PCDHA12: variants seen among roughly 807,000 people sequenced by gnomAD.
The protein encoded by PCDHA12 is protocadherin alpha-12.
A neutral mutation model predicts 60.0 loss-of-function variants in PCDHA12; 44 were observed. That is an observed-to-expected ratio of 0.73 (90% CI 0.58 to 0.94). PCDHA12 has a LOEUF of 0.94. Ranked by LOEUF, PCDHA12 falls within the 40% of genes least tolerant of loss-of-function variation. The probability of loss-of-function intolerance (pLI) is 0.00; values close to 1 mark genes in which losing one functional copy is unlikely to be tolerated. For synonymous variants in PCDHA12, 569 were observed against 553.0 expected, an observed-to-expected ratio of 1.03 and a Z score of -0.40; for missense variants, 1,276 against 1,239.7, an observed-to-expected ratio of 1.03 and a Z score of -0.44.
intron 1 of PCDHA12, among the ~76,000 whole-genome samples, chr5:140,912,893 T>C (rs1346036777): frequency 6.6e-6 from 1 of 152,262 alleles, no homozygotes; most frequent in East Asian, 1.9e-4. Context: ...TCTGTTGATA[T>C]GATGTATCAT....
intron 1 of PCDHA12, among the ~76,000 whole-genome samples, chr5:140,957,899 A>G (rs551066654): frequency 3.0e-4 from 46 of 152,226 alleles, no homozygotes; most frequent in African/African-American, 1.1e-3. Flanking sequence ...GCATCAACCA[A>G]GGCATATTGT....
chr5:140,970,933 G>T (rs782607345), intron 1 of PCDHA12, among the ~76,000 whole-genome samples: 6 of 152,176 alleles, frequency 3.9e-5, no homozygotes, highest in African/African-American at 9.7e-5. Context: ...CCTGGTGTTA[G>T]TCAATGCTGA....
intron 1 of PCDHA12, chr5:140,928,982 G>T: frequency 6.2e-7 from 1 of 1,613,824 alleles, no homozygotes; most frequent in Non-Finnish European, 8.5e-7. Flanking sequence ...TTATTTCTGG[G>T]GTGCTTACTT....
At chr5:140,879,099 A>G (rs1255546668) in intron 1 of PCDHA12, among the ~76,000 whole-genome samples, 1 of 152,242 alleles carries the variant, frequency 6.6e-6, no homozygotes, top group Non-Finnish European at 1.5e-5. Flanking sequence ...ACTGCACAGT[A>G]TATGGTGTAA....
intron 1 of PCDHA12, among the ~76,000 whole-genome samples, chr5:140,900,300 A>G (rs1554189024): frequency 6.6e-6 from 1 of 151,644 alleles, no homozygotes; most frequent in Non-Finnish European, 1.5e-5. Flanking sequence ...GTTTTTTTAG[A>G]CAGTCTCACT....
chr5:140,950,515 C>T lies in PCDHA12; in HGVS notation c.2368-28434C>T, dbSNP rs144121614. 1.4e-3 allele frequency among the ~76,000 whole-genome samples: 220 copies of T among 151,996 alleles called. 1 individual carries two copies. The highest frequency in any genetic ancestry group is 4.9e-3 in the African/African-American group (204 of 41,490). On this transcript the variant is annotated intron_variant, in intron 1 of 3. Transcript: ENST00000398631. The stretch of plus-strand genomic sequence containing the variant: ...CATTTAAGTCATTATTCCCTGTGTG[C>T]GATATGATTGTTTTTGTTGCTCTTG...
rs748166275 is a variant in PCDHA12 at position 140,954,138 on chromosome 5, T to C, written c.2368-24811T>C. Among the ~76,000 whole-genome samples the C allele has an allele frequency of 5.9e-4, 90 of 152,260 alleles. 1 individual carries two copies. The highest frequency in any genetic ancestry group is 6.5e-4 in the Admixed American group (10 of 15,282). On this transcript the variant is annotated intron_variant, in intron 1 of 3. Coordinates refer to ENST00000398631, the MANE Select transcript of PCDHA12 (RefSeq NM_018903.4). The stretch of plus-strand genomic sequence containing the variant: ...CTTGTTCCTTTTTATGGATGCATAG[T>C]ATTCCATGGTGTATATGTACCACAT...
In PCDHA12 at chr5:140,877,335, G is replaced by C. The variant is rs115718636; in HGVS notation, c.1863G>C (p.Pro621=). The C allele has an allele frequency of 0.047, 75,474 of 1,613,976 alleles. 2,017 individuals are homozygous for C. Among genetic ancestry groups the C allele is most frequent in the Middle Eastern group, 0.086 (520 of 6,060 alleles). ...CGGCGGCGGTCGGCGCGCACATCCCGTTCCACGTGGGGCTGTACACTGGCG... is the reference window on the plus strand; with the variant it reads ...CGGCGGCGGTCGGCGCGCACATCCCCTTCCACGTGGGGCTGTACACTGGCG... The part of the protein sequence containing the change: ...LQPAAVGAHI[P]FHVGLYTGEI... The change falls in exon 1 of 4, where the codon CCG becomes CCC. Residue 621 remains proline, a synonymous_variant. Transcript: ENST00000398631.
chr5:140,929,554 C>G (rs899446101), intron 1 of PCDHA12: 17 of 488,414 alleles, frequency 3.5e-5, no homozygotes, highest in Non-Finnish European at 5.5e-5. Flanking sequence ...AAAATTAAAA[C>G]CTATTTAAGA....
chr5:140,904,747 A>T (rs1462923024), intron 1 of PCDHA12, among the ~76,000 whole-genome samples: 1 of 151,918 alleles, frequency 6.6e-6, no homozygotes, highest in Non-Finnish European at 1.5e-5. Context: ...TATTATGACC[A>T]TTTTTGCAAG....
At chr5:140,935,486 A>C (rs1554210536) in intron 1 of PCDHA12, among the ~76,000 whole-genome samples, 1 of 152,228 alleles carries the variant, frequency 6.6e-6, no homozygotes, top group East Asian at 1.9e-4. Context: ...CTTTTCATTT[A>C]TAAGGCACAT....
intron 1 of PCDHA12, among the ~76,000 whole-genome samples, chr5:140,963,621 T>C (rs1428734637): frequency 2.6e-5 from 4 of 152,334 alleles, no homozygotes; most frequent in African/African-American, 9.6e-5. Flanking sequence ...AGCTTAACTT[T>C]GTTGCATACG....
At chr5:140,978,763 A>G (rs932766044) in intron 1 of PCDHA12, among the ~76,000 whole-genome samples, 186 bp from the exon 2 acceptor site, 11 of 152,258 alleles carry the variant, frequency 7.2e-5, no homozygotes, top group Non-Finnish European at 1.3e-4. Flanking sequence ...GAGGACCCTG[A>G]TGAACTAATT....
At chr5:140,992,514 G>A (rs1256283066) in intron 3 of PCDHA12, among the ~76,000 whole-genome samples, 1 of 152,176 alleles carries the variant, frequency 6.6e-6, no homozygotes, top group Non-Finnish European at 1.5e-5. Flanking sequence ...CTGGGGCATG[G>A]TAGCTAATGG....
intron 1 of PCDHA12, among the ~76,000 whole-genome samples, chr5:140,964,992 A>G (rs1459979924): frequency 6.6e-6 from 1 of 152,098 alleles, no homozygotes; most frequent in Non-Finnish European, 1.5e-5. Flanking sequence ...CAGGCCTTTG[A>G]ATTCTGGGTG....
intron 1 of PCDHA12, among the ~76,000 whole-genome samples, chr5:140,957,407 ATTG>A (rs2095357259): frequency 6.6e-6 from 1 of 152,156 alleles, no homozygotes; most frequent in Non-Finnish European, 1.5e-5. Context: ...ATTTATTATT[ATTG>A]TTGTTAATCT....
At chr5:140,895,351 T>C (rs1367078085) in intron 1 of PCDHA12, among the ~76,000 whole-genome samples, 2 of 152,180 alleles carry the variant, frequency 1.3e-5, no homozygotes, top group Admixed American at 1.3e-4. Context: ...TGCTTTCCAG[T>C]GAGTACTTAT....
chr5:140,960,886 A>G (rs1161636963), intron 1 of PCDHA12, among the ~76,000 whole-genome samples: 1 of 152,198 alleles, frequency 6.6e-6, no homozygotes, highest in African/African-American at 2.4e-5. Context: ...CACACTAATG[A>G]ATTTGGGGCA....
intron 3 of PCDHA12, among the ~76,000 whole-genome samples, chr5:140,989,918 G>A (rs1554251173): frequency 6.6e-6 from 1 of 151,960 alleles, no homozygotes; most frequent in East Asian, 1.9e-4. Flanking sequence ...AAGAGGGAGA[G>A]CAGAGATAGA....
Sources: allele counts gnomAD v4.1 joint callset (sites outside exome capture counted in the v4.1 genomes callset), GRCh38; gene constraint gnomAD v4.1.1; transcripts MANE v1.5; gene names NCBI Gene and HGNC (gene_info 2026-07-23, HGNC 2026-07-21).